Variants in NDUFB2 observed in about 807,000 individuals in gnomAD.
The protein encoded by NDUFB2 is NADH dehydrogenase [ubiquinone] 1 beta subcomplex subunit 2, mitochondrial.
Under a neutral mutation model 13.4 loss-of-function variants are expected in NDUFB2, and 13 were observed. The ratio of observed to expected loss-of-function variants is 0.97; its 90% CI spans 0.63 to 1.54. The LOEUF (loss-of-function observed/expected upper bound fraction) is 1.54. NDUFB2 is among the 40% of genes most tolerant of loss of function. The pLI, the probability that NDUFB2 is intolerant of heterozygous loss-of-function variation, is 0.00. For missense variants in NDUFB2, 150 were observed against 139.7 expected (o/e 1.07, Z -0.37); for synonymous variants, 47 against 50.6 (o/e 0.93, Z 0.30).
chr7:140,697,215 G>A, intron 1 of NDUFB2: 1 of 651,806 alleles, frequency 1.5e-6, no homozygotes, highest in Non-Finnish European at 2.8e-6. Context: ...GGCGGGGGGC[G>A]GCGGCGGTGA....
At position 140,696,780 on chromosome 7, in the gene NDUFB2, C is replaced by T. The variant is rs138800281; in HGVS notation, c.36C>T (p.Arg12=). The T allele has an allele frequency of 6.2e-6, 10 of 1,606,804 alleles. No individual in the cohort carries two copies. Among genetic ancestry groups the T allele is most frequent in the African/African-American group, 2.7e-5 (2 of 74,756 alleles). The part of the protein sequence containing the change: ...SALTRLASFA[R]VGGRLFRSGC... The stretch of plus-strand genomic sequence containing the variant: ...TGACTCGGCTGGCGTCTTTCGCTCG[C>T]GTTGGAGGCCGCCTTTTCAGAAGCG... Residue 12 remains arginine, a synonymous_variant, in exon 1 of 4, where the codon CGC becomes CGT. Coordinates refer to ENST00000247866, the MANE Select transcript of NDUFB2 (RefSeq NM_004546.3).
chr7:140,704,989 G>A (rs1213153813), intron 3 of NDUFB2, 26 bp downstream of exon 3: 2 of 1,267,256 alleles, frequency 1.6e-6, no homozygotes, highest in East Asian at 5.3e-5. Flanking sequence ...ATTTCTTTAT[G>A]TCATATTTAC....
chr7:140,698,512 T>A (rs1448673892), intron 1 of NDUFB2, among the ~76,000 whole-genome samples: 1 of 151,974 alleles, frequency 6.6e-6, no homozygotes, highest in Admixed American at 6.6e-5. Flanking sequence ...ATGCGTGGTG[T>A]GGGAGTAGAA....
At chr7:140,697,160 C>A in intron 1 of NDUFB2, 1 of 593,642 alleles carries the variant, frequency 1.7e-6, no homozygotes, top group East Asian at 2.9e-5. Flanking sequence ...GCGGTCCAGG[C>A]GGAGGAAGCA....
chr7:140,702,575 TG>T (rs1246096612), intron 1 of NDUFB2: 39 of 349,946 alleles, frequency 1.1e-4, no homozygotes, highest in Non-Finnish European at 1.8e-4. Context: ...CTAAAACCTT[TG>T]GGGCTAGCAC....
intron 3 of NDUFB2, 37 bp downstream of exon 3, chr7:140,705,000 C>T (rs1351604932): frequency 1.8e-5 from 21 of 1,166,894 alleles, no homozygotes; most frequent in Non-Finnish European, 2.1e-5. Flanking sequence ...TCATATTTAC[C>T]TTTTTTCATA....
chr7:140,702,827 A>G, intron 1 of NDUFB2, 39 bp from the exon 2 acceptor site: 2 of 1,609,592 alleles, frequency 1.2e-6, no homozygotes, highest in South Asian at 2.2e-5. Flanking sequence ...ACGCTTTGAG[A>G]ATGTAGCACG....
At chr7:140,701,871 G>A in intron 1 of NDUFB2, 1 of 485,392 alleles carries the variant, frequency 2.1e-6, no homozygotes, top group Non-Finnish European at 3.7e-6. Flanking sequence ...AGGAGGCGGA[G>A]GTTGCAGTGA....
rs903224431 is a variant in NDUFB2 at position 140,696,827 on chromosome 7, A to G, written c.83A>G (p.Asp28Gly). The G allele has an allele frequency of 3.7e-6, 6 of 1,607,740 alleles. No homozygotes were observed. The African/African-American group carries it at 8.0e-5, about 22-fold the overall frequency. Residue 28 changes from aspartate to glycine, a missense_variant, in exon 1 of 4, where the codon GAT (aspartate) becomes GGT (glycine). Physicochemically the swap from Asp to Gly is moderately conservative, Grantham distance 94. Coordinates refer to ENST00000247866, the MANE Select transcript of NDUFB2 (RefSeq NM_004546.3). ...AGCGGCTGCGCACGGACTGCTGGAG[A>G]TGGTGGAGTCCGTCAGTGAGTGTGG... ...FRSGCARTAG[D>G]GGVRHAGGGV...
intron 1 of NDUFB2, among the ~76,000 whole-genome samples, chr7:140,700,038 AAAC>A (rs1341238253): frequency 6.6e-6 from 1 of 151,988 alleles, no homozygotes; most frequent in East Asian, 1.9e-4. Flanking sequence ...GTTATGATTA[AAAC>A]AACATGTCAC....
chr7:140,699,651 C>A (rs1794869634), intron 1 of NDUFB2, among the ~76,000 whole-genome samples: 1 of 152,020 alleles, frequency 6.6e-6, no homozygotes, highest in Non-Finnish European at 1.5e-5. Context: ...TTCCCCACAC[C>A]TCATGTAGCT....
At chr7:140,699,371 G>A (rs774718089) in intron 1 of NDUFB2, among the ~76,000 whole-genome samples, 42 of 151,910 alleles carry the variant, frequency 2.8e-4, no homozygotes, top group Non-Finnish European at 3.1e-4. Context: ...CTTTGAGATC[G>A]TGCTTCTCTT....
At chr7:140,697,074 GGTA>G in intron 1 of NDUFB2, 1 of 591,604 alleles carries the variant, frequency 1.7e-6, no homozygotes, top group African/African-American at 1.9e-5. Context: ...GGGCCGTCAT[GGTA>G]GTAGGGGCCG....
chr7:140,696,944 C>G, intron 1 of NDUFB2, 102 bp downstream of exon 1: 3 of 1,075,426 alleles, frequency 2.8e-6, no homozygotes, highest in Non-Finnish European at 4.1e-6. Flanking sequence ...GAGGCCGCGT[C>G]CCGAGGCATG....
chr7:140,697,780 C>T (rs1203984942), intron 1 of NDUFB2, among the ~76,000 whole-genome samples: 1 of 152,152 alleles, frequency 6.6e-6, no homozygotes, highest in East Asian at 1.9e-4. Context: ...CCTCAGTTTC[C>T]TCACCCATTT....
At chr7:140,705,756 A>G (rs1231651565) in intron 3 of NDUFB2, 1 of 152,286 alleles carries the variant, frequency 6.6e-6, no homozygotes, top group Non-Finnish European at 1.5e-5. Flanking sequence ...TGGAGCTTAC[A>G]GTACGTAGCT....
chr7:140,701,872 G>T (rs1406881820), intron 1 of NDUFB2: 1 of 484,760 alleles, frequency 2.1e-6, no homozygotes, highest in Non-Finnish European at 3.7e-6. Context: ...GGAGGCGGAG[G>T]TTGCAGTGAG....
At chr7:140,702,824 GA>G in intron 1 of NDUFB2, 41 bp from the exon 2 acceptor site, 1 of 1,609,498 alleles carries the variant, frequency 6.2e-7, no homozygotes, top group Non-Finnish European at 8.5e-7. Context: ...TTAACGCTTT[GA>G]GAATGTAGCA....
intron 1 of NDUFB2, chr7:140,697,244 T>G (rs1585861376): frequency 1.4e-6 from 1 of 691,796 alleles, no homozygotes; most frequent in East Asian, 2.7e-5. Flanking sequence ...GAGGGCGCGG[T>G]CCAGGGTCCC....
Sources: allele counts gnomAD v4.1 joint callset (sites outside exome capture counted in the v4.1 genomes callset), GRCh38; gene constraint gnomAD v4.1.1; transcripts MANE v1.5; gene names NCBI Gene and HGNC (gene_info 2026-07-23, HGNC 2026-07-21).